Variants in TMEM229B observed in about 807,000 individuals in gnomAD.
The protein encoded by TMEM229B is transmembrane protein 229B.
TMEM229B carries 6 observed loss-of-function variants against 13.7 expected under a neutral mutation model. The ratio of observed to expected loss-of-function variants is 0.44; its 90% CI spans 0.24 to 0.86. TMEM229B has a LOEUF of 0.86. Among genes scored for constraint, TMEM229B ranks in the 40% least tolerant of loss-of-function variants. TMEM229B has a pLI of 0.23. For missense variants in TMEM229B, 170 were observed against 236.0 expected, an observed-to-expected ratio of 0.72 and a Z score of 1.83; for synonymous variants, 107 against 102.1, an observed-to-expected ratio of 1.05 and a Z score of -0.29.
upstream of TMEM229B, among the ~76,000 whole-genome samples, chr14:67,492,149 C>T (rs961816230): frequency 6.6e-6 from 1 of 152,162 alleles, no homozygotes; most frequent in African/African-American, 2.4e-5. Flanking sequence ...ACTGAGCAAA[C>T]CCTGACCACC....
chr14:67,528,586 T>C (rs2033401533), intron 1 of TMEM229B, among the ~76,000 whole-genome samples: 1 of 152,212 alleles, frequency 6.6e-6, no homozygotes, highest in Admixed American at 6.5e-5. Context: ...TGCAGTCAGA[T>C]GGCTGGATTT....
At chr14:67,488,376 C>A (rs1200352357) in intron 1 of TMEM229B, 132 bp downstream of exon 1, 1 of 152,302 alleles carries the variant, frequency 6.6e-6, no homozygotes, top group Non-Finnish European at 1.5e-5. Flanking sequence ...TTGGGGGGTG[C>A]CCCCCTGGGT....
chr14:67,530,128 T>A (rs1244433467), intron 1 of TMEM229B, among the ~76,000 whole-genome samples: 1 of 152,214 alleles, frequency 6.6e-6, no homozygotes, highest in East Asian at 1.9e-4. Context: ...CATTGCAATC[T>A]TGTAAACAGA....
intron 1 of TMEM229B, among the ~76,000 whole-genome samples, chr14:67,530,848 G>C (rs947687083): frequency 6.6e-6 from 1 of 152,112 alleles, no homozygotes; most frequent in Non-Finnish European, 1.5e-5. Context: ...GCAGAATTTG[G>C]CCTTAACTAT....
intron 1 of TMEM229B, among the ~76,000 whole-genome samples, chr14:67,525,915 C>T (rs927761990): frequency 2.0e-5 from 3 of 152,182 alleles, no homozygotes; most frequent in Non-Finnish European, 2.9e-5. Flanking sequence ...CTGAGAGTTT[C>T]CCCAATGGCC....
intron 1 of TMEM229B, among the ~76,000 whole-genome samples, chr14:67,506,799 CG>C (rs2032844387): frequency 6.6e-6 from 1 of 152,162 alleles, no homozygotes; most frequent in Non-Finnish European, 1.5e-5. Context: ...TCCTGGCCAA[CG>C]TGGTGAAACT....
rs967822687 is a variant in TMEM229B at position 67,471,001 on chromosome 14, G to C, written c.*2419C>G. The C allele has an allele frequency of 6.6e-6, 1 of 152,196 alleles. No homozygotes were observed. The highest frequency in any genetic ancestry group is 1.5e-5 in the Non-Finnish European group (1 of 68,034). The allele number at this position is 152,196 out of a possible 1,614,324, so 9.4% of individuals were successfully genotyped here. A position where few individuals can be genotyped will look rare whatever the true frequency, so the allele number is the denominator to read the frequency against. On this transcript the variant is annotated 3_prime_UTR_variant, in exon 3 of 3. Transcript: ENST00000554480. ...TTGAAGTCTGGGCTATCCCTGGTGA[G>C]ATCTGAACCTGTAGATCCCGTGGTC...
rs555715850 is a variant in TMEM229B, at chr14:67,496,391, G to GTTTTTTTTTTTTTT, written c.-191-9233_-191-9220dup. On this transcript the variant is annotated intron_variant, in intron 1 of 2. Coordinates refer to the TMEM229B transcript ENST00000357461. The stretch of plus-strand genomic sequence containing the variant: ...TACAGGTGTGAGCCACTGCTCCGGC[G>GTTTTTTTTTTTTTT]TTTTTTTTTTTTTTTTTTTTTTTTT... Among the ~76,000 whole-genome samples the GTTTTTTTTTTTTTT allele has an allele frequency of 1.3e-4, 4 of 30,106 alleles. 2 individuals are homozygous for GTTTTTTTTTTTTTT. Among genetic ancestry groups the GTTTTTTTTTTTTTT allele is most frequent in the Non-Finnish European group, 2.3e-4 (4 of 17,312 alleles). 19.8% of individuals were successfully genotyped at this position (30,106 alleles called of 152,430 possible).
At chr14:67,490,814 C>T (rs1216701426), upstream of TMEM229B, among the ~76,000 whole-genome samples, 1 of 152,070 alleles carries the variant, frequency 6.6e-6, no homozygotes, top group African/African-American at 2.4e-5. Context: ...CCCAAATCTC[C>T]CTGTAAAGGA....
upstream of TMEM229B, among the ~76,000 whole-genome samples, chr14:67,492,585 C>T (rs2032212394): frequency 6.6e-6 from 1 of 152,214 alleles, no homozygotes; most frequent in Non-Finnish European, 1.5e-5. Context: ...GGGGACCCTG[C>T]CCCTTTGTTG....
chr14:67,476,246 T>G (rs2031185932), intron 2 of TMEM229B, among the ~76,000 whole-genome samples: 1 of 152,246 alleles, frequency 6.6e-6, no homozygotes, highest in Non-Finnish European at 1.5e-5. Context: ...TGCATTGCTC[T>G]GTGGTCTTCC....
intron 1 of TMEM229B, among the ~76,000 whole-genome samples, chr14:67,524,831 A>C (rs574417061): frequency 1.1e-4 from 16 of 152,162 alleles, no homozygotes; most frequent in Non-Finnish European, 2.4e-4. Flanking sequence ...GGCCCCTCTG[A>C]TCTGAACAGT....
chr14:67,520,127 A>T (rs1278232648), upstream of TMEM229B, among the ~76,000 whole-genome samples: 2 of 152,216 alleles, frequency 1.3e-5, no homozygotes, highest in African/African-American at 4.8e-5. Context: ...ACTTCCCATT[A>T]TCAGAATCCC....
At chr14:67,474,344 G>T (rs2031033763) in intron 2 of TMEM229B, among the ~76,000 whole-genome samples, 1 of 151,942 alleles carries the variant, frequency 6.6e-6, no homozygotes. Context: ...ATGCTACTTA[G>T]AGGGAGGTGT....
chr14:67,532,866 T>G (rs1357510957), intron 1 of TMEM229B, among the ~76,000 whole-genome samples: 1 of 152,188 alleles, frequency 6.6e-6, no homozygotes, highest in Non-Finnish European at 1.5e-5. Flanking sequence ...GACGGTCTGG[T>G]CTTGTCCCGC....
chr14:67,508,551 C>T (rs760205217), intron 1 of TMEM229B, among the ~76,000 whole-genome samples: 4 of 152,052 alleles, frequency 2.6e-5, no homozygotes, highest in Middle Eastern at 6.8e-3. Context: ...CCTTGGACCA[C>T]CACCTTAACC....
chr14:67,522,895 T>C (rs2033311677), intron 1 of TMEM229B, among the ~76,000 whole-genome samples: 1 of 152,134 alleles, frequency 6.6e-6, no homozygotes, highest in Admixed American at 6.5e-5. Context: ...GCCCAAAGGG[T>C]TGATGATCCC....
chr14:67,495,486 A>AT (rs879609292), intron 1 of TMEM229B, among the ~76,000 whole-genome samples: 105 of 144,332 alleles, frequency 7.3e-4, no homozygotes, highest in South Asian at 2.7e-3. Context: ...AGCCTTCTGG[A>AT]TTTTTTTTTT....
At position 67,479,239 on chromosome 14, in the gene TMEM229B, C is replaced by G. The variant is rs574974103; in HGVS notation, c.-18-5298G>C. ...TGGCCAACATGGTGAAACCCTGTCTCTACTAAAAGTACAAAAATTAGCTGG... is the reference window on the plus strand; with the variant it reads ...TGGCCAACATGGTGAAACCCTGTCTGTACTAAAAGTACAAAAATTAGCTGG... On this transcript the variant is annotated intron_variant, in intron 2 of 2. Coordinates refer to ENST00000554480, the MANE Select transcript of TMEM229B (RefSeq NM_001348543.2). 5.3e-5 allele frequency among the ~76,000 whole-genome samples: 8 copies of G among 151,924 alleles called. No homozygotes were observed. In the East Asian group the frequency reaches 1.5e-3, roughly 29 times the overall value.
Sources: gnomAD v4.1 joint callset for allele counts (sites outside exome capture counted in the v4.1 genomes callset) on GRCh38, gnomAD v4.1.1 for gene constraint, MANE v1.5 for transcripts, NCBI Gene and HGNC (gene_info 2026-07-23, HGNC 2026-07-21) for gene names.